Variants in PBX4 observed in about 807,000 individuals in gnomAD.
PBX4 encodes the protein PBX homeobox 4.
A neutral mutation model predicts 35.1 loss-of-function variants in PBX4; 26 were observed. That is an observed-to-expected ratio of 0.74 (90% CI 0.54 to 1.03). The LOEUF (loss-of-function observed/expected upper bound fraction) is 1.03, where lower values mean the gene tolerates loss of function less well. Ranked by LOEUF, PBX4 falls within the 50% of genes least tolerant of loss-of-function variation. The pLI is 0.00. For missense variants in PBX4, 448 were observed against 504.3 expected (o/e 0.89, Z 1.07); for synonymous variants, 199 against 204.2 (o/e 0.97, Z 0.22).
Position 19,570,611 on chromosome 19 carries a change from T to C in PBX4, c.416A>G (p.His139Arg). Residue 139 changes from histidine (H) to arginine (R), a missense_variant, in exon 3 of 8, where the codon CAC becomes CGC. His to Arg is a conservative substitution (Grantham distance 29). Transcript: ENST00000251203. The stretch of plus-strand genomic sequence containing the variant: ...CTGTTCATATTTCTCTAGCTCAGAG[T>C]GGTAAATCTGTCGGATCTGGGACAG... The part of the protein sequence containing the change: ...AKLSQIRQIY[H>R]SELEKYEQAC... 1 of 1,614,078 alleles carries C rather than the reference T, an allele frequency of 6.2e-7. No individual in the cohort carries two copies. The highest frequency in any genetic ancestry group is 8.5e-7 in the Non-Finnish European group (1 of 1,180,004).
At chr19:19,594,990 G>C (rs2061552718) in intron 2 of PBX4, among the ~76,000 whole-genome samples, 1 of 152,162 alleles carries the variant, frequency 6.6e-6, no homozygotes. Flanking sequence ...CCAAAGTGCT[G>C]GGATTACAGG....
intron 2 of PBX4, among the ~76,000 whole-genome samples, chr19:19,576,529 A>C (rs931848548): frequency 3.3e-5 from 5 of 152,024 alleles, no homozygotes; most frequent in African/African-American, 1.2e-4. Flanking sequence ...TGGCCAAAAA[A>C]AAAAATTTTT....
chr19:19,617,507 C>A (rs1222832828), intron 1 of PBX4, among the ~76,000 whole-genome samples: 1 of 152,036 alleles, frequency 6.6e-6, no homozygotes, highest in Non-Finnish European at 1.5e-5. Context: ...TGGTCTCGAA[C>A]TCCTGAGCTC....
Position 19,561,815 on chromosome 19 carries a change from T to A in PBX4, c.*210A>T, listed in dbSNP as rs952457661. 4.3e-6 allele frequency: 2 copies of A among 461,404 alleles called. No individual in the cohort carries two copies. Among genetic ancestry groups the A allele is most frequent in the Admixed American group, 4.1e-5 (1 of 24,626 alleles). 28.6% of individuals were successfully genotyped at this position (461,404 alleles called of 1,614,324 possible). On this transcript the variant is annotated 3_prime_UTR_variant, in exon 8 of 8. Coordinates refer to ENST00000251203, the MANE Select transcript of PBX4 (RefSeq NM_025245.3). ...TAAAATTACTGTCAAAAAAACGAACTGAAGTGGGAGAATGAGTGGCGTTTC... is the reference window on the plus strand; with the variant it reads ...TAAAATTACTGTCAAAAAAACGAACAGAAGTGGGAGAATGAGTGGCGTTTC...
chr19:19,602,812 A>T (rs1265231752), intron 1 of PBX4, among the ~76,000 whole-genome samples: 1 of 151,996 alleles, frequency 6.6e-6, no homozygotes, highest in Admixed American at 6.6e-5. Flanking sequence ...ATTACTACAG[A>T]CAGCAAACAA....
At chr19:19,600,584 C>A (rs149452761) in intron 1 of PBX4, among the ~76,000 whole-genome samples, 2 of 151,776 alleles carry the variant, frequency 1.3e-5, no homozygotes, top group African/African-American at 4.8e-5. Flanking sequence ...TTTGGGCGGC[C>A]GAGGCGGATG....
chr19:19,572,636 G>A (rs1385166019), intron 2 of PBX4, among the ~76,000 whole-genome samples: 1 of 151,582 alleles, frequency 6.6e-6, no homozygotes, highest in Non-Finnish European at 1.5e-5. Flanking sequence ...AGGCCAAGGT[G>A]GGCGGATCAC....
intron 5 of PBX4, among the ~76,000 whole-genome samples, chr19:19,566,699 A>ATTTCCAGTAGC (rs2061343937): frequency 1.0e-5 from 1 of 96,918 alleles, no homozygotes; most frequent in Non-Finnish European, 2.0e-5. Flanking sequence ...TAATTTTTGT[A>ATTTCCAGTAGC]CTTTTTTTTT....
chr19:19,587,747 G>A (rs2061499846), intron 2 of PBX4, among the ~76,000 whole-genome samples: 1 of 151,174 alleles, frequency 6.6e-6, no homozygotes, highest in Non-Finnish European at 1.5e-5. Context: ...TACTCAAGCA[G>A]AAGACTAAAA....
intron 2 of PBX4, among the ~76,000 whole-genome samples, chr19:19,596,471 C>CGT (rs967178058): frequency 1.9e-4 from 29 of 151,926 alleles, no homozygotes; most frequent in African/African-American, 6.3e-4. Flanking sequence ...TGTGTGCGCA[C>CGT]GTGTGTGTGT....
At chr19:19,612,887 C>T (rs902040853) in intron 1 of PBX4, among the ~76,000 whole-genome samples, 3 of 151,746 alleles carry the variant, frequency 2.0e-5, no homozygotes, top group Non-Finnish European at 4.4e-5. Context: ...GGCACGATCT[C>T]GGCTCACTGC....
Position 19,562,069 on chromosome 19 carries a change from G to A in PBX4, c.1081C>T (p.Pro361Ser), listed in dbSNP as rs777072275. The A allele has an allele frequency of 8.7e-6, 14 of 1,613,292 alleles. No homozygotes were observed. Among genetic ancestry groups the A allele is most frequent in the Non-Finnish European group, 1.1e-5 (13 of 1,179,734 alleles). Residue 361 changes from proline (P) to serine (S), a missense_variant, in exon 8 of 8, where the codon CCT becomes TCT. Physicochemically the swap from Pro to Ser is moderately conservative, Grantham distance 74. Coordinates refer to ENST00000251203, the MANE Select transcript of PBX4 (RefSeq NM_025245.3). The surrounding 1 kb of genome is among the most constrained non-coding windows in gnomAD (Gnocchi z 4.8). The part of the protein sequence containing the change: ...GATPQPATAS[P>S]AGDPGSINSS... ...TTGATGCTGCCAGGGTCTCCAGCAG[G>A]TGAGGCAGTTGCAGGTTGGGGGGTG...
intron 2 of PBX4, among the ~76,000 whole-genome samples, chr19:19,598,699 C>T (rs1307845752): frequency 6.6e-6 from 1 of 152,062 alleles, no homozygotes. Context: ...AATGCAGCTG[C>T]TTGTTACTGA....
At chr19:19,566,721 G>A (rs1228329531) in intron 5 of PBX4, among the ~76,000 whole-genome samples, 3 of 119,390 alleles carry the variant, frequency 2.5e-5, no homozygotes, top group South Asian at 5.2e-4. Flanking sequence ...TTTTTTTTTC[G>A]GAGACGGAGT....
Position 19,576,250 on chromosome 19 carries a change from G to A in PBX4, c.194-5417C>T, listed in dbSNP as rs189150388. On this transcript the variant is annotated intron_variant, in intron 2 of 7. Coordinates refer to ENST00000251203, the MANE Select transcript of PBX4 (RefSeq NM_025245.3). ...AAAAAAATTTTTTTTTTCTTGAGAC[G>A]AAGTCTCGCTCTGTTGCCAGGCTGG... Among the ~76,000 whole-genome samples, 29 of 151,780 alleles carry A rather than the reference G, an allele frequency of 1.9e-4. 1 individual carries two copies. The South Asian group carries it at 2.9e-3, about 15-fold the overall frequency.
chr19:19,618,501 C>T lies in PBX4; in HGVS notation c.119+10G>A. On this transcript the variant is annotated intron_variant, in intron 1 of 7. Transcript: ENST00000251203. The stretch of plus-strand genomic sequence containing the variant: ...CCCTGCGTGGCCCCTGCCGAGCCCG[C>T]GGGCAGCACCTGGCCTGTGCCTCGT... 1 of 1,471,852 alleles carries T rather than the reference C, an allele frequency of 6.8e-7. No individual in the cohort carries two copies. The highest frequency in any genetic ancestry group is 9.0e-7 in the Non-Finnish European group (1 of 1,106,748). 91.2% of individuals were successfully genotyped at this position (1,471,852 alleles called of 1,614,324 possible). A position where few individuals can be genotyped will look rare whatever the true frequency, so the allele number is the denominator to read the frequency against.
In PBX4 at chr19:19,570,873, T is replaced by C. The variant is rs1280372081; in HGVS notation, c.194-40A>G. Reference sequence around the variant, plus strand: ...CCGGGACAAGTCACAATTCATTTTCTGGAGAGAAAACAAACCATGAGAAAA... The same window carrying C: ...CCGGGACAAGTCACAATTCATTTTCCGGAGAGAAAACAAACCATGAGAAAA... On this transcript the variant is annotated intron_variant, in intron 2 of 7. Coordinates refer to ENST00000251203, the MANE Select transcript of PBX4 (RefSeq NM_025245.3). The C allele has an allele frequency of 2.5e-6, 4 of 1,600,690 alleles. No individual in the cohort carries two copies. The Admixed American group carries it at 6.8e-5, about 27-fold the overall frequency.
intron 5 of PBX4, 119 bp downstream of exon 5, chr19:19,569,330 G>T: frequency 7.6e-7 from 1 of 1,322,242 alleles, no homozygotes; most frequent in Non-Finnish European, 1.0e-6. Flanking sequence ...AAAGTGCTGG[G>T]ATTCCAGCAG....
intron 1 of PBX4, among the ~76,000 whole-genome samples, chr19:19,599,845 C>A (rs2061585581): frequency 6.8e-6 from 1 of 147,388 alleles, no homozygotes; most frequent in Non-Finnish European, 1.5e-5. Context: ...TGGTGGTGCC[C>A]ACCTGTAATC....
Sources: gnomAD v4.1 joint callset for allele counts (sites outside exome capture counted in the v4.1 genomes callset) on GRCh38, gnomAD v4.1.1 for gene constraint, Gnocchi (gnomAD v3.1) non-coding constraint, MANE v1.5 for transcripts, NCBI Gene and HGNC (gene_info 2026-07-23, HGNC 2026-07-21) for gene names.